Variants in DACH2 observed in about 807,000 individuals in gnomAD.
The protein encoded by DACH2 is dachshund homolog 2.
Under a neutral mutation model 35.8 loss-of-function variants are expected in DACH2, and 17 were observed. The ratio of observed to expected loss-of-function variants is 0.48; its 90% confidence interval spans 0.33 to 0.71. The LOEUF is 0.71. DACH2 is among the 30% of genes least tolerant of loss of function. DACH2 has a pLI of 0.02. For synonymous variants in DACH2, 195 were observed against 177.3 expected, an observed-to-expected ratio of 1.10 and a Z score of -0.79; for missense variants, 469 against 472.7, an observed-to-expected ratio of 0.99 and a Z score of 0.07.
intron 1 of DACH2, among the ~76,000 whole-genome samples, chrX:86,295,078 G>T (rs781299703): frequency 8.9e-6 from 1 of 112,643 alleles, no homozygotes; most frequent in Non-Finnish European, 1.9e-5. Flanking sequence ...GCCAGACTCC[G>T]TGGGCGTAGG....
rs57034116 is a variant in DACH2 at position 86,706,946 on chromosome X, G to C, written c.932-7602G>C. ...AGCTTCCACCTTAGGAAAATAAAAA[G>C]ATAAAAAATTAAATCTAAAGCAGAA... On this transcript the variant is annotated intron_variant, in intron 5 of 11. Transcript: ENST00000373125. 6.1e-3 allele frequency among the ~76,000 whole-genome samples: 665 copies of C among 109,501 alleles called. 7 individuals are homozygous for C. Among genetic ancestry groups the C allele is most frequent in the African/African-American group, 0.021 (631 of 30,339 alleles).
intron 2 of DACH2, among the ~76,000 whole-genome samples, chrX:86,499,871 G>T (rs1602585109): frequency 1.8e-5 from 2 of 111,610 alleles, no homozygotes; most frequent in South Asian, 7.5e-4. Flanking sequence ...CTGGCTGAGG[G>T]TGGAGCGGGA....
At chrX:86,510,354 TAGA>T (rs1469926935) in intron 2 of DACH2, among the ~76,000 whole-genome samples, 1 of 112,376 alleles carries the variant, frequency 8.9e-6, no homozygotes, top group Non-Finnish European at 1.9e-5. Flanking sequence ...TTATTGACAC[TAGA>T]AGACTTGCTG....
intron 1 of DACH2, among the ~76,000 whole-genome samples, chrX:86,289,895 T>A (rs974525277): frequency 9.2e-6 from 1 of 108,900 alleles, no homozygotes; most frequent in African/African-American, 3.4e-5. Context: ...TGTGCATGTG[T>A]CTTTATAGCA....
intron 1 of DACH2, chrX:86,184,212 AT>A (rs34655546): frequency 0.034 from 5,237 of 153,832 alleles, 27 homozygotes; most frequent in South Asian, 0.053. Flanking sequence ...TAGTCTTCTG[AT>A]TTTTTTTTTT....
At chrX:86,482,883 C>T (rs2037960187) in intron 2 of DACH2, among the ~76,000 whole-genome samples, 1 of 106,474 alleles carries the variant, frequency 9.4e-6, no homozygotes, top group East Asian at 3.0e-4. Flanking sequence ...AGTAAACTAT[C>T]GCAAGAACAA....
At chrX:86,282,068 T>A (rs1365322481) in intron 1 of DACH2, among the ~76,000 whole-genome samples, 1 of 112,180 alleles carries the variant, frequency 8.9e-6, no homozygotes, top group Non-Finnish European at 1.9e-5. Flanking sequence ...GAAAATAGCC[T>A]TACTGGCCAA....
At chrX:86,411,943 G>A (rs750028732) in intron 2 of DACH2, among the ~76,000 whole-genome samples, 1 of 111,086 alleles carries the variant, frequency 9.0e-6, no homozygotes, top group Non-Finnish European at 1.9e-5. Flanking sequence ...TTGCACTGTT[G>A]TAGTTCTCAT....
intron 2 of DACH2, among the ~76,000 whole-genome samples, chrX:86,402,985 G>A (rs2036461485): frequency 8.9e-6 from 1 of 112,065 alleles, no homozygotes; most frequent in African/African-American, 3.2e-5. Context: ...GCCATATGTA[G>A]AAGGATGAAA....
At chrX:86,566,247 T>C (rs1356446195) in intron 3 of DACH2, among the ~76,000 whole-genome samples, 3 of 111,954 alleles carry the variant, frequency 2.7e-5, no homozygotes, top group African/African-American at 9.7e-5. Context: ...TGAATTCCAA[T>C]TACAGAAGTA....
At chrX:86,779,213 A>T (rs1319763225) in intron 7 of DACH2, among the ~76,000 whole-genome samples, 1 of 112,038 alleles carries the variant, frequency 8.9e-6, no homozygotes, top group Non-Finnish European at 1.9e-5. Flanking sequence ...GAGACTAAAG[A>T]CATTCTATTT....
At chrX:86,816,689 T>C (rs2042456406) in intron 11 of DACH2, among the ~76,000 whole-genome samples, 1 of 111,766 alleles carries the variant, frequency 8.9e-6, no homozygotes, top group Admixed American at 9.5e-5. Context: ...TATTTAGTAG[T>C]AAGAAAACAG....
At chrX:86,637,789 C>A (rs1181363083) in intron 3 of DACH2, among the ~76,000 whole-genome samples, 1 of 111,108 alleles carries the variant, frequency 9.0e-6, no homozygotes, top group Non-Finnish European at 1.9e-5. Context: ...GGCATAGTAC[C>A]TGAGTGATGA....
chrX:86,562,624 T>C (rs2039239138), intron 3 of DACH2, among the ~76,000 whole-genome samples: 1 of 111,872 alleles, frequency 8.9e-6, no homozygotes, highest in Non-Finnish European at 1.9e-5. Context: ...GTTTTCTCTC[T>C]GTGTGTGCAT....
chrX:86,795,391 G>A (rs760281673), intron 7 of DACH2, among the ~76,000 whole-genome samples: 148 of 109,699 alleles, frequency 1.3e-3, no homozygotes, highest in African/African-American at 4.6e-3. Context: ...GTGCCACCAC[G>A]CCCGGCCGAT....
intron 1 of DACH2, among the ~76,000 whole-genome samples, chrX:86,253,973 T>G (rs6623604): frequency 9.0e-6 from 1 of 110,563 alleles, no homozygotes; most frequent in African/African-American, 3.3e-5. Flanking sequence ...TAAATCTTCA[T>G]AAATATTTTT....
chrX:86,309,716 G>GTAGA (rs926562902), intron 1 of DACH2, among the ~76,000 whole-genome samples: 2 of 112,232 alleles, frequency 1.8e-5, no homozygotes, highest in African/African-American at 6.5e-5. Context: ...ATATTCTAAA[G>GTAGA]TAGAGAATAA....
chrX:86,677,041 C>T (rs1247184344), intron 4 of DACH2, among the ~76,000 whole-genome samples: 3 of 111,497 alleles, frequency 2.7e-5, no homozygotes, highest in Admixed American at 1.9e-4. Context: ...AAAATATCAA[C>T]GGAGATACTG....
chrX:86,311,233 C>T (rs1353720350), intron 1 of DACH2, among the ~76,000 whole-genome samples: 1 of 112,023 alleles, frequency 8.9e-6, no homozygotes, highest in Non-Finnish European at 1.9e-5. Flanking sequence ...GCCAAGATTA[C>T]CATCCATGGA....
Sources: gnomAD v4.1 joint callset for allele counts (sites outside exome capture counted in the v4.1 genomes callset) on GRCh38, gnomAD v4.1.1 for gene constraint, MANE v1.5 for transcripts, NCBI Gene and HGNC (gene_info 2026-07-23, HGNC 2026-07-21) for gene names.